Variants in CDK8 observed in about 807,000 individuals in gnomAD.
CDK8 encodes cyclin dependent kinase 8, also known as cyclin-dependent kinase 8.
Under a neutral mutation model 71.5 loss-of-function variants are expected in CDK8, and 29 were observed. That is an observed-to-expected ratio of 0.41 (90% CI 0.30 to 0.55). The LOEUF (loss-of-function observed/expected upper bound fraction) is 0.55, where lower values mean the gene tolerates loss of function less well. CDK8 is among the 20% of genes least tolerant of loss of function. The probability of loss-of-function intolerance (pLI) is 0.37; values close to 1 mark genes in which losing one functional copy is unlikely to be tolerated. For synonymous variants in CDK8, 161 were observed against 192.1 expected (o/e 0.84, Z 1.34); for missense variants, 288 against 572.6 (o/e 0.50, Z 5.07).
intron 4 of CDK8, among the ~76,000 whole-genome samples, chr13:26,370,864 G>T (rs923893706): frequency 1.6e-4 from 24 of 152,130 alleles, no homozygotes; most frequent in African/African-American, 5.8e-4. Context: ...AACTTCGTGA[G>T]GTAGGATTTC....
At chr13:26,336,291 A>G (rs1456080303) in intron 1 of CDK8, among the ~76,000 whole-genome samples, 3 of 152,106 alleles carry the variant, frequency 2.0e-5, no homozygotes, top group Non-Finnish European at 4.4e-5. Flanking sequence ...TCTCATTCTA[A>G]TGAGTGCCTA....
chr13:26,360,440 G>A (rs530903895), intron 4 of CDK8, among the ~76,000 whole-genome samples: 1 of 152,274 alleles, frequency 6.6e-6, no homozygotes, highest in East Asian at 1.9e-4. Context: ...TGCCCTGCCT[G>A]CTTGAATCCC....
chr13:26,353,947 T>A, intron 4 of CDK8, 67 bp downstream of exon 4: 1 of 1,377,558 alleles, frequency 7.3e-7, no homozygotes, highest in Non-Finnish European at 1.0e-6. Flanking sequence ...TCTAGTCGTC[T>A]GTAGATACCA....
chr13:26,337,794 G>T, intron 2 of CDK8, 152 bp downstream of exon 2: 3 of 329,528 alleles, frequency 9.1e-6, no homozygotes, highest in Non-Finnish European at 1.7e-5. Flanking sequence ...TTAAGGAGAA[G>T]TAAAGGGGTC....
chr13:26,276,270 A>G (rs189063781), intron 1 of CDK8, among the ~76,000 whole-genome samples: 1 of 152,348 alleles, frequency 6.6e-6, no homozygotes, highest in Admixed American at 6.5e-5. Flanking sequence ...TAGGTAAGTA[A>G]GAGTTCTTAC....
At chr13:26,347,633 T>C (rs909344712) in intron 2 of CDK8, among the ~76,000 whole-genome samples, 6 of 152,216 alleles carry the variant, frequency 3.9e-5, no homozygotes, top group South Asian at 2.1e-4. Context: ...ACATACTAAA[T>C]AGACATTTCT....
intron 4 of CDK8, among the ~76,000 whole-genome samples, chr13:26,382,512 A>G (rs1875274716): frequency 6.6e-6 from 1 of 152,172 alleles, no homozygotes; most frequent in Non-Finnish European, 1.5e-5. Context: ...TGAAAGAGTG[A>G]GAAGGAACCA....
chr13:26,382,157 C>T (rs1258821031), intron 4 of CDK8, among the ~76,000 whole-genome samples: 2 of 152,030 alleles, frequency 1.3e-5, no homozygotes, highest in Non-Finnish European at 2.9e-5. Context: ...GTAGTAGATA[C>T]CACCATAAAA....
rs551583949 is a variant in CDK8, at chr13:26,363,157, TA to T, written c.456+9290del. 3.5e-3 allele frequency among the ~76,000 whole-genome samples: 482 copies of T among 137,356 alleles called. 1 individual carries two copies. Among genetic ancestry groups the T allele is most frequent in the African/African-American group, 7.0e-3 (264 of 37,464 alleles). 90.1% of individuals were successfully genotyped at this position (137,356 alleles called of 152,430 possible). On this transcript the variant is annotated intron_variant, in intron 4 of 12. Transcript: ENST00000381527. ...TAACACGGTGAAACCCCATCTCTGC[TA>T]AAAAAAAAAAAATGGAAAAATTAGC...
intron 4 of CDK8, among the ~76,000 whole-genome samples, chr13:26,369,705 C>CT (rs1874569814): frequency 1.4e-5 from 1 of 71,702 alleles, no homozygotes; most frequent in African/African-American, 4.6e-5. Context: ...ATTTTTCTTT[C>CT]TTTCTTTTTT....
chr13:26,402,689 A>G (rs1030504645), intron 12 of CDK8, among the ~76,000 whole-genome samples: 6 of 152,202 alleles, frequency 3.9e-5, no homozygotes, highest in Admixed American at 6.5e-5. Context: ...TGGTTCCAGT[A>G]TCTTTTTCTT....
At chr13:26,390,558 A>G (rs2138058590) in intron 6 of CDK8, among the ~76,000 whole-genome samples, 1 of 152,276 alleles carries the variant, frequency 6.6e-6, no homozygotes, top group East Asian at 1.9e-4. Context: ...GGAAAAGGCT[A>G]AAAAAAGGGA....
At chr13:26,315,114 T>G (rs976595156) in intron 1 of CDK8, among the ~76,000 whole-genome samples, 1 of 152,232 alleles carries the variant, frequency 6.6e-6, no homozygotes, top group Non-Finnish European at 1.5e-5. Context: ...TCTGCTTTTC[T>G]ATAGTCTGTT....
chr13:26,263,034 G>A (rs1871842396), intron 1 of CDK8, among the ~76,000 whole-genome samples: 1 of 152,182 alleles, frequency 6.6e-6, no homozygotes, highest in Non-Finnish European at 1.5e-5. Flanking sequence ...TTGTTTAGAG[G>A]ACTAAAGGGA....
intron 1 of CDK8, among the ~76,000 whole-genome samples, chr13:26,336,187 T>C (rs1054676249): frequency 5.9e-5 from 9 of 152,136 alleles, no homozygotes; most frequent in Admixed American, 5.2e-4. Flanking sequence ...AGTGTGATCC[T>C]GGAACCCCCT....
intron 1 of CDK8, among the ~76,000 whole-genome samples, chr13:26,305,587 C>T (rs1209159918): frequency 1.3e-5 from 2 of 152,080 alleles, no homozygotes; most frequent in Admixed American, 6.5e-5. Flanking sequence ...AATGTATATT[C>T]GCCCTTCTTA....
intron 1 of CDK8, among the ~76,000 whole-genome samples, chr13:26,335,214 C>G (rs1225445024): frequency 6.6e-6 from 1 of 152,180 alleles, no homozygotes; most frequent in African/African-American, 2.4e-5. Flanking sequence ...ATTCACCCCT[C>G]AGCCTTCTGC....
intron 1 of CDK8, among the ~76,000 whole-genome samples, chr13:26,312,851 A>G (rs560651729): frequency 7.9e-5 from 12 of 152,258 alleles, no homozygotes; most frequent in African/African-American, 2.6e-4. Flanking sequence ...AGCACTGTGT[A>G]TATTTAATAA....
rs545109261 is a variant in CDK8 at position 26,275,716 on chromosome 13, C to T, written c.128+20947C>T. On this transcript the variant is annotated intron_variant, in intron 1 of 12. Transcript: ENST00000381527. ...TAACCCACCATGTATCTCAAATAGT[C>T]GTAAACTTTCTGCATTTCTTATAAA... 5.9e-5 allele frequency among the ~76,000 whole-genome samples: 9 copies of T among 152,164 alleles called. No individual in the cohort carries two copies. In the South Asian group the frequency reaches 6.2e-4, roughly 11 times the overall value.
Sources: gnomAD v4.1 joint callset for allele counts (sites outside exome capture counted in the v4.1 genomes callset) on GRCh38, gnomAD v4.1.1 for gene constraint, MANE v1.5 for transcripts, NCBI Gene and HGNC (gene_info 2026-07-23, HGNC 2026-07-21) for gene names.